The following RP1 variants were observed in gnomAD, a reference collection of about 807,000 sequenced individuals.
RP1 encodes the protein RP1 axonemal microtubule associated, also known as oxygen-regulated protein 1.
In RP1, 16 loss-of-function variants were observed where a neutral mutation model predicts 14.8. The observed-to-expected ratio is 1.08, with a 90% CI of 0.73 to 1.65. RP1 has a LOEUF of 1.65. Among genes scored for constraint, RP1 ranks in the 40% most tolerant of loss-of-function variants. The pLI is 0.00. For missense variants in RP1, 2,631 were observed against 2,535.0 expected (o/e 1.04, Z -0.81); for synonymous variants, 876 against 883.6 (o/e 0.99, Z 0.15).
At chr8:54,711,073 C>G (rs376834013) in intron 15 of RP1, among the ~76,000 whole-genome samples, 6 of 152,254 alleles carry the variant, frequency 3.9e-5, no homozygotes, top group African/African-American at 1.4e-4. Context: ...GTATCTGGCT[C>G]TACCAATGTG....
chr8:54,734,558 T>C (rs562850540), exon 18 of RP1: 1 of 1,534,830 alleles, frequency 6.5e-7, no homozygotes, highest in South Asian at 1.2e-5. Context: ...AAATCAGACA[T>C]TTCCAAAGTA....
intron 1 of RP1, among the ~76,000 whole-genome samples, chr8:54,586,614 G>T (rs1311337902): frequency 6.6e-6 from 1 of 151,942 alleles, no homozygotes; most frequent in African/African-American, 2.4e-5. Context: ...ACAGAGGCAG[G>T]CAGGCCTCCT....
Position 54,627,158 on chromosome 8 carries a change from A to G in RP1, c.3276A>G (p.Gln1092=). 6.2e-7 allele frequency: 1 copy of G among 1,614,042 alleles called. No homozygotes were observed. The highest frequency in any genetic ancestry group is 8.5e-7 in the Non-Finnish European group (1 of 1,179,970). The change falls in exon 4 of 4, where the codon CAA becomes CAG. Residue 1092 remains glutamine, a synonymous_variant. Transcript: ENST00000220676. ...LLPVLMLHQL[Q]ASVPGIHKTQ... is the part of the protein sequence containing the mutation. ...CAGTCCTGATGCTTCACCAATTGCA[A>G]GCTTCAGTTCCTGGTATTCACAAGA...
intron 24 of RP1, among the ~76,000 whole-genome samples, chr8:54,834,883 A>T (rs770303604): frequency 2.6e-5 from 4 of 152,176 alleles, no homozygotes; most frequent in Non-Finnish European, 4.4e-5. Flanking sequence ...AAAATGTCCC[A>T]GATTGAATTC....
intron 24 of RP1, among the ~76,000 whole-genome samples, chr8:54,827,985 A>G (rs1001837191): frequency 6.6e-6 from 1 of 152,092 alleles, no homozygotes; most frequent in Admixed American, 6.5e-5. Flanking sequence ...GCCTAGGCCT[A>G]CACAGGGTCA....
At chr8:54,724,968 C>G (rs556158682) in intron 16 of RP1, among the ~76,000 whole-genome samples, 9 of 152,280 alleles carry the variant, frequency 5.9e-5, no homozygotes, top group African/African-American at 2.2e-4. Flanking sequence ...TGGACTGGCA[C>G]ATTAATTGTT....
intron 27 of RP1, among the ~76,000 whole-genome samples, chr8:54,859,579 G>A (rs745855293): frequency 5.9e-5 from 9 of 151,346 alleles, no homozygotes; most frequent in Non-Finnish European, 8.8e-5. Context: ...GTAGGGTAGT[G>A]TCACTGTAGG....
chr8:54,772,793 A>C (rs1033698793), downstream of RP1, among the ~76,000 whole-genome samples: 4 of 152,168 alleles, frequency 2.6e-5, no homozygotes, highest in Admixed American at 6.5e-5. Flanking sequence ...GTCACTAAAA[A>C]TGTGTGTGTG....
chr8:54,606,479 A>T (rs1305436036), intron 1 of RP1, among the ~76,000 whole-genome samples: 1 of 151,912 alleles, frequency 6.6e-6, no homozygotes, highest in African/African-American at 2.4e-5. Flanking sequence ...CTTAACATTT[A>T]TTCCTTCATT....
chr8:54,810,865 G>A (rs531561151), intron 24 of RP1, among the ~76,000 whole-genome samples: 1 of 152,296 alleles, frequency 6.6e-6, no homozygotes, highest in Admixed American at 6.5e-5. Flanking sequence ...GGCAGAACCT[G>A]TTAGCAGGCC....
chr8:54,710,297 G>A (rs1808265247), intron 15 of RP1, among the ~76,000 whole-genome samples: 1 of 152,226 alleles, frequency 6.6e-6, no homozygotes, highest in African/African-American at 2.4e-5. Context: ...GAGCAAGTGA[G>A]TGCAAAAACT....
chr8:54,799,460 A>C (rs1483976007), intron 24 of RP1, among the ~76,000 whole-genome samples: 1 of 151,894 alleles, frequency 6.6e-6, no homozygotes, highest in African/African-American at 2.4e-5. Context: ...TCATTTCACT[A>C]TGTTTAGACC....
At chr8:54,688,061 A>G (rs1463083529) in intron 12 of RP1, among the ~76,000 whole-genome samples, 6 of 152,192 alleles carry the variant, frequency 3.9e-5, no homozygotes, top group East Asian at 1.9e-4. Flanking sequence ...TCTAATGACC[A>G]GTGATGATTA....
intron 27 of RP1, among the ~76,000 whole-genome samples, chr8:54,857,464 T>C (rs941677514): frequency 6.6e-6 from 1 of 150,502 alleles, no homozygotes; most frequent in Non-Finnish European, 1.5e-5. Context: ...TGGTCACTAA[T>C]TAAATTATAT....
Position 54,621,435 on chromosome 8 carries a change from G to A in RP1, c.469G>A (p.Val157Met). 6.2e-7 allele frequency: 1 copy of A among 1,613,788 alleles called. No individual in the cohort carries two copies. The highest frequency in any genetic ancestry group is 8.5e-7 in the Non-Finnish European group (1 of 1,180,018). Residue 157 changes from valine to methionine, a missense_variant, in exon 2 of 4, where the codon GTG (valine) becomes ATG (methionine). Coordinates refer to ENST00000220676, the MANE Select transcript of RP1 (RefSeq NM_006269.2). The stretch of plus-strand genomic sequence containing the variant: ...CATGCCCCGCCCCCCACGGAGCCTA[G>A]TGGTCTTCAGGAATGGCGACCCGAA... ...PGMPRPPRSLVVFRNGDPKTR... is the reference protein window; with the variant it reads ...PGMPRPPRSLMVFRNGDPKTR...
chr8:54,672,159 C>T (rs62514622), intron 7 of RP1, among the ~76,000 whole-genome samples: 50,157 of 152,082 alleles, frequency 0.33, 9,136 homozygotes, highest in Middle Eastern at 0.48. Context: ...ACTGAAGAAG[C>T]TCTGTTGAAA....
chr8:54,792,081 T>G (rs1207606833), intron 24 of RP1, among the ~76,000 whole-genome samples: 3 of 151,962 alleles, frequency 2.0e-5, no homozygotes, highest in Non-Finnish European at 4.4e-5. Flanking sequence ...AAATTGACCT[T>G]AAGCCGAAAA....
downstream of RP1, among the ~76,000 whole-genome samples, chr8:54,631,162 G>GTAAT: frequency 6.6e-6 from 1 of 152,234 alleles, no homozygotes; most frequent in East Asian, 1.9e-4. Context: ...GGAACAAAAG[G>GTAAT]TAATTAAATT....
In RP1 at chr8:54,605,875, G is replaced by T. The variant is rs571766661; in HGVS notation, c.-12-15080G>T. On this transcript the variant is annotated intron_variant, in intron 1 of 22. Coordinates refer to the RP1 transcript ENST00000636932. ...TAGGATTGCAACCCCTGCCTTTTTTGGTTTTCCATTTGCTTGGTAGATCTT... is the reference window on the plus strand; with the variant it reads ...TAGGATTGCAACCCCTGCCTTTTTTTGTTTTCCATTTGCTTGGTAGATCTT... 4.4e-3 allele frequency among the ~76,000 whole-genome samples: 663 copies of T among 151,554 alleles called. 10 individuals are homozygous for T. Among genetic ancestry groups the T allele is most frequent in the African/African-American group, 0.016 (649 of 41,226 alleles).
Sources: gnomAD v4.1 joint callset for allele counts (sites outside exome capture counted in the v4.1 genomes callset) on GRCh38, gnomAD v4.1.1 for gene constraint, MANE v1.5 for transcripts, NCBI Gene and HGNC (gene_info 2026-07-23, HGNC 2026-07-21) for gene names.